The following SEMA3A variants were observed in gnomAD, a reference collection of about 807,000 sequenced individuals.
SEMA3A encodes semaphorin-3A.
SEMA3A carries 29 observed loss-of-function variants against 97.9 expected under a neutral mutation model. That is an observed-to-expected ratio of 0.30 (90% CI 0.22 to 0.40). The LOEUF (loss-of-function observed/expected upper bound fraction) is 0.40. Ranked by LOEUF, SEMA3A falls within the 10% of genes least tolerant of loss-of-function variation. The probability of loss-of-function intolerance (pLI) is 1.00; values close to 1 mark genes in which losing one functional copy is unlikely to be tolerated. For synonymous variants in SEMA3A, 321 were observed against 323.7 expected (o/e 0.99, Z 0.09); for missense variants, 763 against 951.3 (o/e 0.80, Z 2.60).
At chr7:84,209,733 T>A (rs1208863718) in intron 3 of SEMA3A, among the ~76,000 whole-genome samples, 1 of 152,212 alleles carries the variant, frequency 6.6e-6, no homozygotes, top group Admixed American at 6.5e-5. Context: ...TATATAATAC[T>A]CTGCCATTCA....
chr7:84,250,713 A>T (rs892676479), intron 3 of SEMA3A, among the ~76,000 whole-genome samples: 20 of 152,138 alleles, frequency 1.3e-4, no homozygotes, highest in African/African-American at 4.6e-4. Flanking sequence ...TTTAACTTTA[A>T]TCTGTTTTCA....
Position 84,320,550 on chromosome 7 carries a change from A to T in SEMA3A, c.-168-13258T>A, listed in dbSNP as rs1312596381. Among the ~76,000 whole-genome samples, 3 of 152,190 alleles carry T rather than the reference A, an allele frequency of 2.0e-5. No homozygotes were observed. In the East Asian group the frequency reaches 5.8e-4, roughly 29 times the overall value. Reference sequence around the variant, plus strand: ...AATGTAAAATTATTTATAAAAAGTAAAAGTGAAATACAATTTCATTTGCAA... The same window carrying T: ...AATGTAAAATTATTTATAAAAAGTATAAGTGAAATACAATTTCATTTGCAA... On this transcript the variant is annotated intron_variant, in intron 2 of 3. Transcript: ENST00000424555.
intron 2 of SEMA3A, among the ~76,000 whole-genome samples, chr7:84,335,307 A>G (rs1401534941): frequency 6.6e-6 from 1 of 152,174 alleles, no homozygotes; most frequent in Non-Finnish European, 1.5e-5. Context: ...TGAGTTTTAC[A>G]AATTTTGCAC....
At chr7:84,305,286 G>A (rs1028913740) in intron 3 of SEMA3A, among the ~76,000 whole-genome samples, 7 of 148,778 alleles carry the variant, frequency 4.7e-5, no homozygotes, top group Non-Finnish European at 7.4e-5. Context: ...AGGTCTGATA[G>A]TCCCCAATTT....
intron 1 of SEMA3A, among the ~76,000 whole-genome samples, chr7:84,413,115 C>T (rs1804317766): frequency 6.6e-6 from 1 of 152,074 alleles, no homozygotes; most frequent in Non-Finnish European, 1.5e-5. Context: ...TACTATTATA[C>T]ATTTCTTTCT....
chr7:84,259,944 T>C (rs1243784677), intron 3 of SEMA3A, among the ~76,000 whole-genome samples: 1 of 152,234 alleles, frequency 6.6e-6, no homozygotes, highest in Admixed American at 6.5e-5. Flanking sequence ...GCACAGCTCA[T>C]TGTAGATGCC....
chr7:84,066,409 A>C (rs545235634), intron 4 of SEMA3A, among the ~76,000 whole-genome samples: 1,880 of 143,094 alleles, frequency 0.013, 71 homozygotes, highest in African/African-American at 0.048. Flanking sequence ...TAGTGTTCGA[A>C]GTTCTGGCCA....
At chr7:84,107,541 A>G (rs1795147919) in intron 4 of SEMA3A, among the ~76,000 whole-genome samples, 1 of 152,160 alleles carries the variant, frequency 6.6e-6, no homozygotes, top group Non-Finnish European at 1.5e-5. Context: ...AAAGGCTGTG[A>G]GTTTCAGAGT....
intron 2 of SEMA3A, among the ~76,000 whole-genome samples, chr7:84,134,024 GCA>G (rs1796046567): frequency 6.6e-6 from 1 of 151,904 alleles, no homozygotes; most frequent in Non-Finnish European, 1.5e-5. Context: ...TCGCGCCACT[GCA>G]CTCCAGCCTG....
intron 1 of SEMA3A, among the ~76,000 whole-genome samples, chr7:84,379,058 G>C (rs1038631361): frequency 3.3e-5 from 5 of 151,940 alleles, no homozygotes; most frequent in African/African-American, 1.2e-4. Context: ...CTCCTGAGTA[G>C]CTGGGACTAC....
intron 1 of SEMA3A, among the ~76,000 whole-genome samples, chr7:84,155,779 AT>A (rs1796828757): frequency 6.6e-6 from 1 of 152,094 alleles, no homozygotes; most frequent in Non-Finnish European, 1.5e-5. Flanking sequence ...TTTTCCTTGT[AT>A]TTATATCAAA....
chr7:84,486,366 G>C (rs547207143), intron 1 of SEMA3A, among the ~76,000 whole-genome samples: 2 of 152,206 alleles, frequency 1.3e-5, no homozygotes, highest in Admixed American at 1.3e-4. Flanking sequence ...CCAGCCTGGC[G>C]ACAGGGCGAG....
intron 4 of SEMA3A, among the ~76,000 whole-genome samples, chr7:84,079,513 A>T (rs1794075333): frequency 6.6e-6 from 1 of 151,988 alleles, no homozygotes; most frequent in African/African-American, 2.4e-5. Context: ...CAAGAAAAAA[A>T]CAAACAACCC....
rs1382142606 is a variant in SEMA3A at position 83,963,249 on chromosome 7, C to T, written c.1816G>A (p.Val606Ile). The T allele has an allele frequency of 3.1e-6, 5 of 1,613,606 alleles. No individual in the cohort carries two copies. The highest frequency in any genetic ancestry group is 2.2e-5 in the East Asian group (1 of 44,874). ...TTTCGCCTCTGGAATTGCCAATAGA[C>T]CAGCGCTCTCTGCGACTTCGGACTG... is the stretch of plus-strand genomic sequence containing the variant. ...ECSPKSQRAL[V>I]YWQFQRRNEE... Residue 606 changes from valine to isoleucine, a missense_variant, in exon 16 of 17, where the codon GTC (valine) becomes ATC (isoleucine). Coordinates refer to ENST00000265362, the MANE Select transcript of SEMA3A (RefSeq NM_006080.3).
chr7:84,005,097 AAT>A (rs2116396096), intron 11 of SEMA3A, among the ~76,000 whole-genome samples: 1 of 152,310 alleles, frequency 6.6e-6, no homozygotes, highest in Non-Finnish European at 1.5e-5. Flanking sequence ...GTAGGAATAC[AAT>A]ATCTAATACA....
At chr7:84,249,077 A>G (rs1799539207) in intron 3 of SEMA3A, among the ~76,000 whole-genome samples, 1 of 152,178 alleles carries the variant, frequency 6.6e-6, no homozygotes, top group East Asian at 1.9e-4. Context: ...TTTCAGAAGA[A>G]TAAAGTGCTT....
intron 2 of SEMA3A, among the ~76,000 whole-genome samples, chr7:84,323,288 C>T (rs1175348910): frequency 6.6e-6 from 1 of 152,056 alleles, no homozygotes; most frequent in Admixed American, 6.6e-5. Context: ...TACTTGATTT[C>T]CTCTTCAAAA....
intron 1 of SEMA3A, among the ~76,000 whole-genome samples, chr7:84,374,271 G>A (rs1803046323): frequency 2.0e-5 from 3 of 152,114 alleles, no homozygotes; most frequent in Admixed American, 6.5e-5. Context: ...TAAAATAATA[G>A]CAATAAATAT....
chr7:84,268,155 A>G (rs987138832), intron 3 of SEMA3A, among the ~76,000 whole-genome samples: 1 of 151,956 alleles, frequency 6.6e-6, no homozygotes, highest in African/African-American at 2.4e-5. Context: ...AACAATGGAT[A>G]TGGTACCTTT....
Sources: allele counts gnomAD v4.1 joint callset (sites outside exome capture counted in the v4.1 genomes callset), GRCh38; gene constraint gnomAD v4.1.1; transcripts MANE v1.5; gene names NCBI Gene and HGNC (gene_info 2026-07-23, HGNC 2026-07-21).